SHQ1: variants seen among roughly 807,000 people sequenced by gnomAD.
The protein encoded by SHQ1 is SHQ1, H/ACA ribonucleoprotein assembly factor.
SHQ1 carries 49 observed loss-of-function variants against 53.8 expected under a neutral mutation model. The ratio of observed to expected loss-of-function variants is 0.91; its 90% confidence interval spans 0.72 to 1.16. The LOEUF is 1.16. Among genes scored for constraint, SHQ1 ranks in the 50% most tolerant of loss-of-function variants. The probability of loss-of-function intolerance (pLI) is 0.00; values close to 1 mark genes in which losing one functional copy is unlikely to be tolerated. For missense variants in SHQ1, 738 were observed against 683.1 expected (o/e 1.08, Z -0.90); for synonymous variants, 243 against 251.0 (o/e 0.97, Z 0.30).
chr3:72,774,474 A>C (rs780787151), intron 10 of SHQ1, among the ~76,000 whole-genome samples: 1 of 151,998 alleles, frequency 6.6e-6, no homozygotes, highest in African/African-American at 2.4e-5. Flanking sequence ...CTAAACAATG[A>C]TATAATTCTC....
chr3:72,782,825 T>C (rs1323540262), intron 10 of SHQ1, among the ~76,000 whole-genome samples: 2 of 152,238 alleles, frequency 1.3e-5, no homozygotes, highest in Non-Finnish European at 2.9e-5. Flanking sequence ...CTAAGTATGA[T>C]AACCACACAT....
At chr3:72,774,280 A>G (rs1205785822) in intron 10 of SHQ1, among the ~76,000 whole-genome samples, 1 of 152,226 alleles carries the variant, frequency 6.6e-6, no homozygotes, top group East Asian at 1.9e-4. Flanking sequence ...CGGACAGATT[A>G]AATAGACAAA....
chr3:72,744,322 T>A (rs73839901), downstream of SHQ1, among the ~76,000 whole-genome samples: 10 of 152,350 alleles, frequency 6.6e-5, no homozygotes, highest in African/African-American at 2.4e-4. Context: ...GACAGAGCAT[T>A]TGGAGTACTG....
At chr3:72,817,471 T>C in intron 6 of SHQ1, 87 bp from the exon 7 acceptor site, 2 of 1,245,864 alleles carry the variant, frequency 1.6e-6, no homozygotes, top group Non-Finnish European at 2.2e-6. Context: ...AGAACTTTGA[T>C]TATAGAAACT....
chr3:72,754,812 A>G (rs1260778351), intron 10 of SHQ1, among the ~76,000 whole-genome samples: 1 of 152,238 alleles, frequency 6.6e-6, no homozygotes, highest in Non-Finnish European at 1.5e-5. Flanking sequence ...TAATATATTT[A>G]GCTTAACAAT....
the SHQ1 span, among the ~76,000 whole-genome samples, chr3:72,744,038 G>T: frequency 7.9e-5 from 12 of 152,182 alleles, no homozygotes. Context: ...CACAAAGCAT[G>T]TAGGGGAAAC....
intron 10 of SHQ1, among the ~76,000 whole-genome samples, chr3:72,773,666 G>C (rs1705900014): frequency 6.6e-6 from 1 of 152,066 alleles, no homozygotes. Context: ...TGAATTCAAA[G>C]AAAGGTGGTG....
chr3:72,768,866 C>T (rs555001767), intron 10 of SHQ1, among the ~76,000 whole-genome samples: 16 of 152,310 alleles, frequency 1.1e-4, no homozygotes, highest in African/African-American at 3.9e-4. Context: ...ATTCTAGAAC[C>T]CCGCTGCAGC....
intron 10 of SHQ1, chr3:72,773,333 A>T (rs1705893485): frequency 6.8e-6 from 4 of 591,398 alleles, no homozygotes; most frequent in East Asian, 7.9e-5. Context: ...AAGGAAAAAA[A>T]TGAGTATACT....
intron 9 of SHQ1, among the ~76,000 whole-genome samples, chr3:72,810,343 G>C (rs1707080450): frequency 6.6e-6 from 1 of 152,204 alleles, no homozygotes. Context: ...AACCTGAAAA[G>C]AGCCAAAGGC....
chr3:72,758,242 C>A (rs1284921776), intron 10 of SHQ1, among the ~76,000 whole-genome samples: 1 of 152,166 alleles, frequency 6.6e-6, no homozygotes, highest in African/African-American at 2.4e-5. Context: ...GCACTTCCAG[C>A]GCAGCCATTA....
At chr3:72,767,485 T>C (rs1031599265) in intron 10 of SHQ1, among the ~76,000 whole-genome samples, 5 of 152,248 alleles carry the variant, frequency 3.3e-5, no homozygotes, top group African/African-American at 1.2e-4. Flanking sequence ...AAAACGTTTA[T>C]GCAAATTAAG....
intron 10 of SHQ1, among the ~76,000 whole-genome samples, chr3:72,760,673 G>A (rs529986924): frequency 2.0e-5 from 3 of 152,316 alleles, no homozygotes; most frequent in African/African-American, 7.2e-5. Flanking sequence ...TAGTTGTTAT[G>A]AGAGTAATAT....
chr3:72,846,433 C>T, intron 1 of SHQ1: 1 of 818,318 alleles, frequency 1.2e-6, no homozygotes, highest in Non-Finnish European at 1.9e-6. Context: ...GTAGCTAGGA[C>T]TACAAGCGCG....
At chr3:72,793,948 T>C (rs1706522371) in intron 9 of SHQ1, 1 of 152,204 alleles carries the variant, frequency 6.6e-6, no homozygotes, top group Admixed American at 6.5e-5. Context: ...ATGAACCTAG[T>C]TTTAACCCAA....
intron 4 of SHQ1, among the ~76,000 whole-genome samples, chr3:72,840,633 A>G (rs1016194941): frequency 1.3e-5 from 2 of 152,264 alleles, no homozygotes; most frequent in African/African-American, 4.8e-5. Flanking sequence ...TGATCAAAAC[A>G]CACAATCTCA....
Position 72,840,504 on chromosome 3 carries a change from C to T in SHQ1, c.486+541G>A, listed in dbSNP as rs529625873. On this transcript the variant is annotated intron_variant, in intron 4 of 10. Transcript: ENST00000325599. ...CCTAGAGGCAGAGGCTGCCATCAGC[C>T]GAGATCGTGCCACTGCACTGCACTC... Among the ~76,000 whole-genome samples the T allele has an allele frequency of 1.9e-3, 286 of 149,916 alleles. 2 individuals carry two copies. The highest frequency in any genetic ancestry group is 6.6e-3 in the African/African-American group (269 of 40,746).
intron 2 of SHQ1, among the ~76,000 whole-genome samples, chr3:72,843,539 A>G (rs1003306420): frequency 1.3e-5 from 2 of 152,238 alleles, no homozygotes; most frequent in Non-Finnish European, 2.9e-5. Context: ...ACTGAATTCC[A>G]ACATATCAAA....
At chr3:72,772,676 T>A in intron 10 of SHQ1, 1 of 722,180 alleles carries the variant, frequency 1.4e-6, no homozygotes, top group African/African-American at 1.7e-5. Flanking sequence ...GGTGCTTCCA[T>A]CAAGTAAGAG....
Sources: allele counts gnomAD v4.1 joint callset (sites outside exome capture counted in the v4.1 genomes callset), GRCh38; gene constraint gnomAD v4.1.1; transcripts MANE v1.5; gene names NCBI Gene and HGNC (gene_info 2026-07-23, HGNC 2026-07-21).